The following MAP7 variants were observed in gnomAD, a reference collection of about 807,000 sequenced individuals.
MAP7 encodes the protein ensconsin.
MAP7 carries 52 observed loss-of-function variants against 94.8 expected under a neutral mutation model. The ratio of observed to expected loss-of-function variants is 0.55; its 90% CI spans 0.44 to 0.69. MAP7 has a LOEUF of 0.69. MAP7 is among the 30% of genes least tolerant of loss of function. The pLI is 0.00. For synonymous variants in MAP7, 350 were observed against 357.0 expected (o/e 0.98, Z 0.22); for missense variants, 940 against 964.6 (o/e 0.97, Z 0.34).
Position 136,345,887 on chromosome 6 carries a change from C to T in MAP7, c.2208G>A (p.Gln736=), listed in dbSNP as rs1255030907. The T allele has an allele frequency of 6.2e-7, 1 of 1,614,176 alleles. No homozygotes were observed. The highest frequency in any genetic ancestry group is 1.7e-5 in the Admixed American group (1 of 60,024). ...DDEGTLGPLP[Q]VDGVQTQQTA... ...TCTGCTGTGTCTGAACACCATCTAC[C>T]TGAGGCAGGGGCCCAAGTGTCCCTT... Residue 736 remains glutamine (Q), a synonymous_variant, in exon 17 of 18, where the codon CAG becomes CAA. Transcript: ENST00000354570.
chr6:136,432,465 T>C (rs1432052690), intron 1 of MAP7, among the ~76,000 whole-genome samples: 2 of 152,138 alleles, frequency 1.3e-5, no homozygotes, highest in African/African-American at 2.4e-5. Flanking sequence ...ACATCAAGTT[T>C]TAATAACATT....
intron 3 of MAP7, among the ~76,000 whole-genome samples, chr6:136,390,372 G>T (rs187089499): frequency 1.3e-5 from 2 of 152,308 alleles, no homozygotes; most frequent in Admixed American, 1.3e-4. Context: ...GAAAAAACAG[G>T]CCAGGTGCAG....
intron 1 of MAP7, among the ~76,000 whole-genome samples, chr6:136,532,301 T>G (rs888702123): frequency 1.3e-5 from 2 of 152,118 alleles, no homozygotes; most frequent in African/African-American, 2.4e-5. Flanking sequence ...ATATTTGAAA[T>G]AGGATGATAA....
intron 1 of MAP7, among the ~76,000 whole-genome samples, chr6:136,455,248 T>C (rs544625281): frequency 6.6e-6 from 1 of 152,156 alleles, no homozygotes; most frequent in South Asian, 2.1e-4. Context: ...ATAAAGAATA[T>C]TATATAATGA....
At chr6:136,383,195 A>G (rs796960001) in intron 6 of MAP7, among the ~76,000 whole-genome samples, 135 of 152,370 alleles carry the variant, frequency 8.9e-4, no homozygotes, top group African/African-American at 3.1e-3. Context: ...GAAATGCAGT[A>G]AGAAATAATT....
At chr6:136,352,986 G>T (rs896914917) in intron 16 of MAP7, among the ~76,000 whole-genome samples, 1 of 152,196 alleles carries the variant, frequency 6.6e-6, no homozygotes, top group Non-Finnish European at 1.5e-5. Flanking sequence ...ATAATTAAGG[G>T]AAGCAGAATT....
chr6:136,429,915 A>C (rs1311587878), intron 1 of MAP7, among the ~76,000 whole-genome samples: 1 of 152,242 alleles, frequency 6.6e-6, no homozygotes, highest in Non-Finnish European at 1.5e-5. Flanking sequence ...ACTTACCACC[A>C]GTCACAATGC....
chr6:136,526,439 T>C (rs1283105240), intron 1 of MAP7: 5 of 987,084 alleles, frequency 5.1e-6, no homozygotes, highest in Non-Finnish European at 6.0e-6. Context: ...CAGTAAAATA[T>C]TCAGCCCACA....
chr6:136,426,557 A>G (rs1483492340), intron 1 of MAP7, among the ~76,000 whole-genome samples: 1 of 152,246 alleles, frequency 6.6e-6, no homozygotes, highest in African/African-American at 2.4e-5. Flanking sequence ...AGAAGGAGCC[A>G]CAAGGCACAG....
chr6:136,426,956 C>A (rs1368727620), intron 1 of MAP7, among the ~76,000 whole-genome samples: 1 of 152,150 alleles, frequency 6.6e-6, no homozygotes, highest in East Asian at 1.9e-4. Context: ...TTAAAGAAAA[C>A]AATAAAAGGA....
At chr6:136,449,448 T>C (rs1376455295) in intron 1 of MAP7, among the ~76,000 whole-genome samples, 1 of 152,076 alleles carries the variant, frequency 6.6e-6, no homozygotes, top group African/African-American at 2.4e-5. Context: ...TGCCATATGG[T>C]TGGAGATTTA....
In MAP7 at chr6:136,550,297, G is replaced by T; in HGVS notation, c.67+45C>A. On this transcript the variant is annotated intron_variant, in intron 1 of 17. Transcript: ENST00000354570. The surrounding 1 kb of genome is among the most constrained non-coding windows in gnomAD (Gnocchi z 5.1). The stretch of plus-strand genomic sequence containing the variant: ...TGCCAGCCCGCCGGCCCCGCTCGCC[G>T]TCCCCTGCCCGACGGGACCCCCACT... 7.0e-7 allele frequency: 1 copy of T among 1,434,504 alleles called. No homozygotes were observed. The highest frequency in any genetic ancestry group is 9.2e-7 in the Non-Finnish European group (1 of 1,090,740). The allele number at this position is 1,434,504 out of a possible 1,614,324, so 88.9% of individuals were successfully genotyped here.
intron 1 of MAP7, among the ~76,000 whole-genome samples, chr6:136,464,884 G>A (rs1412150236): frequency 6.6e-6 from 1 of 152,202 alleles, no homozygotes; most frequent in East Asian, 1.9e-4. Context: ...ATATTCTAGT[G>A]TGAGGAAAGA....
chr6:136,532,285 C>T (rs1217151357), intron 1 of MAP7, among the ~76,000 whole-genome samples: 3 of 151,992 alleles, frequency 2.0e-5, no homozygotes, highest in Non-Finnish European at 2.9e-5. Flanking sequence ...ACATGGTACT[C>T]GCAAGATATT....
At chr6:136,401,246 G>A (rs1783985008) in intron 3 of MAP7, among the ~76,000 whole-genome samples, 2 of 152,170 alleles carry the variant, frequency 1.3e-5, no homozygotes, top group African/African-American at 2.4e-5. Flanking sequence ...CAGGTACTTG[G>A]GAGGCTGAGG....
intron 1 of MAP7, among the ~76,000 whole-genome samples, chr6:136,429,456 C>T (rs1794247770): frequency 6.6e-6 from 1 of 152,218 alleles, no homozygotes; most frequent in African/African-American, 2.4e-5. Context: ...CTGCTGGTAA[C>T]ATCAGACAAG....
At chr6:136,400,984 A>G (rs1233908440) in intron 3 of MAP7, among the ~76,000 whole-genome samples, 2 of 152,188 alleles carry the variant, frequency 1.3e-5, no homozygotes, top group Non-Finnish European at 2.9e-5. Context: ...GTCTTCCACA[A>G]TGTTTCCCTC....
rs1045064119 is a variant in MAP7, at chr6:136,540,137, T to C, written c.67+10205A>G. Among the ~76,000 whole-genome samples the C allele has an allele frequency of 4.5e-4, 68 of 152,000 alleles. 1 individual carries two copies. Among genetic ancestry groups the C allele is most frequent in the African/African-American group, 1.5e-3 (61 of 41,348 alleles). ...CAGCTGGGCCTTGGGCACAGCAGCATGCGGTGAGGAGAAACAAGAGAGGTG... is the reference window on the plus strand; with the variant it reads ...CAGCTGGGCCTTGGGCACAGCAGCACGCGGTGAGGAGAAACAAGAGAGGTG... On this transcript the variant is annotated intron_variant, in intron 1 of 17. Coordinates refer to ENST00000354570, the MANE Select transcript of MAP7 (RefSeq NM_003980.6).
chr6:136,443,336 G>T (rs1333080683), intron 1 of MAP7, among the ~76,000 whole-genome samples: 1 of 152,054 alleles, frequency 6.6e-6, no homozygotes, highest in African/African-American at 2.4e-5. Context: ...CAAACGCTTG[G>T]AGTTAAAAAC....
Sources: gnomAD v4.1 joint callset for allele counts (sites outside exome capture counted in the v4.1 genomes callset) on GRCh38, gnomAD v4.1.1 for gene constraint, Gnocchi (gnomAD v3.1) non-coding constraint, MANE v1.5 for transcripts, NCBI Gene and HGNC (gene_info 2026-07-23, HGNC 2026-07-21) for gene names.